CLVS1: variants seen among roughly 807,000 people sequenced by gnomAD.
CLVS1 encodes clavesin 1.
Under a neutral mutation model 33.1 loss-of-function variants are expected in CLVS1, and 10 were observed. The ratio of observed to expected loss-of-function variants is 0.30; its 90% CI spans 0.19 to 0.51. The LOEUF is 0.51. Ranked by LOEUF, CLVS1 falls within the 20% of genes least tolerant of loss-of-function variation. CLVS1 has a pLI of 0.97. For synonymous variants in CLVS1, 163 were observed against 166.1 expected (o/e 0.98, Z 0.14); for missense variants, 343 against 433.4 (o/e 0.79, Z 1.85).
At chr8:61,402,475 C>T (rs574151026) in intron 3 of CLVS1, among the ~76,000 whole-genome samples, 77 of 152,154 alleles carry the variant, frequency 5.1e-4, no homozygotes, top group African/African-American at 1.9e-3. Context: ...GGTTCACATA[C>T]AAAACAAGTG....
chr8:61,240,882 T>C (rs1299501567), intron 2 of CLVS1, among the ~76,000 whole-genome samples: 1 of 146,608 alleles, frequency 6.8e-6, no homozygotes, highest in Non-Finnish European at 1.5e-5. Flanking sequence ...AAATGAATGA[T>C]GTTTGCTGTA....
chr8:61,365,731 T>C (rs1272900158), intron 2 of CLVS1, among the ~76,000 whole-genome samples: 1 of 150,950 alleles, frequency 6.6e-6, no homozygotes, highest in East Asian at 2.0e-4. Context: ...ATGTTTGTGA[T>C]TTTAGAAGAT....
intron 1 of CLVS1, among the ~76,000 whole-genome samples, chr8:61,098,963 C>G (rs1805401389): frequency 6.6e-6 from 1 of 152,068 alleles, no homozygotes; most frequent in Admixed American, 6.5e-5. Context: ...ATCACTAAAA[C>G]AAAATAGGGT....
chr8:61,019,209 G>A, the CLVS1 span, among the ~76,000 whole-genome samples: 1 of 152,204 alleles, frequency 6.6e-6, no homozygotes, highest in Non-Finnish European at 1.5e-5. Flanking sequence ...ATGGAGAGTC[G>A]TCTTCTCCCA....
chr8:61,444,947 C>T (rs1816698812), intron 3 of CLVS1, among the ~76,000 whole-genome samples: 2 of 152,096 alleles, frequency 1.3e-5, no homozygotes, highest in South Asian at 2.1e-4. Flanking sequence ...CTAGATTGGT[C>T]AGTTTGCATA....
At chr8:61,390,002 A>G (rs987038083) in intron 3 of CLVS1, among the ~76,000 whole-genome samples, 3 of 152,192 alleles carry the variant, frequency 2.0e-5, no homozygotes, top group Non-Finnish European at 2.9e-5. Context: ...AGATTTCCCA[A>G]AATGGAAGAA....
the CLVS1 span, among the ~76,000 whole-genome samples, chr8:61,028,658 G>A: frequency 2.6e-5 from 4 of 152,182 alleles, no homozygotes; most frequent in African/African-American, 9.7e-5. Flanking sequence ...AGCTGACAGT[G>A]GCTATGGTGG....
At chr8:61,130,901 T>A (rs983205323) in intron 1 of CLVS1, among the ~76,000 whole-genome samples, 1 of 152,208 alleles carries the variant, frequency 6.6e-6, no homozygotes, top group Non-Finnish European at 1.5e-5. Context: ...AGTTCTAAAA[T>A]TCCAGACTCA....
intron 5 of CLVS1, among the ~76,000 whole-genome samples, chr8:61,474,073 G>A (rs1368149032): frequency 6.6e-6 from 1 of 152,206 alleles, no homozygotes; most frequent in Non-Finnish European, 1.5e-5. Context: ...GAGAGAGCTT[G>A]TAGAAAGAAA....
chr8:61,110,121 T>G (rs1805600838), intron 1 of CLVS1, among the ~76,000 whole-genome samples: 2 of 152,184 alleles, frequency 1.3e-5, no homozygotes, highest in South Asian at 2.1e-4. Context: ...TATTGAGGCC[T>G]TGGCTGAATC....
chr8:61,071,285 T>C (rs1321439136), intron 1 of CLVS1, among the ~76,000 whole-genome samples: 3 of 152,238 alleles, frequency 2.0e-5, no homozygotes, highest in East Asian at 1.9e-4. Flanking sequence ...AACATTTTTA[T>C]TGGGTGCCGA....
At chr8:60,969,440 C>G in the CLVS1 span, among the ~76,000 whole-genome samples, 1 of 152,202 alleles carries the variant, frequency 6.6e-6, no homozygotes, top group African/African-American at 2.4e-5. Flanking sequence ...CGGTATCTTA[C>G]TGCCACAAAG....
At chr8:61,210,593 T>G (rs1228360702) in intron 2 of CLVS1, among the ~76,000 whole-genome samples, 1 of 152,228 alleles carries the variant, frequency 6.6e-6, no homozygotes, top group Non-Finnish European at 1.5e-5. Flanking sequence ...GCCTGAGTGC[T>G]ACAGCTGAAA....
At chr8:61,475,261 G>C (rs1429774861) in intron 5 of CLVS1, among the ~76,000 whole-genome samples, 1 of 152,220 alleles carries the variant, frequency 6.6e-6, no homozygotes, top group Non-Finnish European at 1.5e-5. Flanking sequence ...AAACATGCGT[G>C]TGCATGTGTC....
chr8:61,215,957 C>A (rs1025606528), intron 2 of CLVS1, among the ~76,000 whole-genome samples: 1 of 152,070 alleles, frequency 6.6e-6, no homozygotes, highest in Non-Finnish European at 1.5e-5. Context: ...AACACAGCAA[C>A]TGAGCAGTGG....
chr8:61,221,709 A>G (rs1221945132), intron 2 of CLVS1, among the ~76,000 whole-genome samples: 2 of 152,210 alleles, frequency 1.3e-5, no homozygotes, highest in Non-Finnish European at 2.9e-5. Flanking sequence ...AAAATGAGTG[A>G]TGGAGGAGTC....
chr8:61,243,145 A>G (rs1218176920), intron 2 of CLVS1, among the ~76,000 whole-genome samples: 1 of 152,220 alleles, frequency 6.6e-6, no homozygotes, highest in African/African-American at 2.4e-5. Context: ...TAATTTGGAT[A>G]GACTTATATG....
intron 2 of CLVS1, among the ~76,000 whole-genome samples, chr8:61,282,367 T>C (rs1809687760): frequency 6.6e-6 from 1 of 152,122 alleles, no homozygotes; most frequent in African/African-American, 2.4e-5. Context: ...GGGAAATGGT[T>C]GGAGATGCCA....
rs1469852616 is a variant in CLVS1 at position 61,324,688 on chromosome 8, T to C, written c.455+24406T>C. Among the ~76,000 whole-genome samples the C allele has an allele frequency of 3.3e-5, 5 of 152,216 alleles. No homozygotes were observed. In the East Asian group the frequency reaches 9.7e-4, roughly 29 times the overall value. On this transcript the variant is annotated intron_variant, in intron 2 of 5. Coordinates refer to ENST00000325897, the MANE Select transcript of CLVS1 (RefSeq NM_173519.3). ...TGAATGGCTTTGACAAAAATGTTGATAGTGATATGAACAATAAGTTCCAGG... is the reference window on the plus strand; with the variant it reads ...TGAATGGCTTTGACAAAAATGTTGACAGTGATATGAACAATAAGTTCCAGG...
Sources: gnomAD v4.1 joint callset for allele counts (sites outside exome capture counted in the v4.1 genomes callset) on GRCh38, gnomAD v4.1.1 for gene constraint, MANE v1.5 for transcripts, NCBI Gene and HGNC (gene_info 2026-07-23, HGNC 2026-07-21) for gene names.